The following WFDC9 variants were observed in gnomAD, a reference collection of about 807,000 sequenced individuals.
WFDC9 encodes WAP four-disulfide core domain 9, also known as protein WFDC9.
Under a neutral mutation model 9.5 loss-of-function variants are expected in WFDC9, and 9 were observed. That is an observed-to-expected ratio of 0.95 (90% CI 0.57 to 1.65). WFDC9 has a LOEUF of 1.65. Among genes scored for constraint, WFDC9 ranks in the 40% most tolerant of loss-of-function variants. The pLI, the probability that WFDC9 is intolerant of heterozygous loss-of-function variation, is 0.00. For missense variants in WFDC9, 87 were observed against 106.7 expected, an observed-to-expected ratio of 0.82 and a Z score of 0.81; for synonymous variants, 33 against 32.3, an observed-to-expected ratio of 1.02 and a Z score of -0.07.
At chr20:45,621,236 A>G (rs1027186949) in intron 1 of WFDC9, among the ~76,000 whole-genome samples, 1 of 152,228 alleles carries the variant, frequency 6.6e-6, no homozygotes, top group African/African-American at 2.4e-5. Context: ...CAGCTCTTTC[A>G]GTATGCTAAC....
chr20:45,619,621 A>C (rs778804582), intron 1 of WFDC9, among the ~76,000 whole-genome samples: 1 of 152,240 alleles, frequency 6.6e-6, no homozygotes, highest in Non-Finnish European at 1.5e-5. Context: ...GGTAAATATA[A>C]AATCTGATAT....
intron 2 of WFDC9, among the ~76,000 whole-genome samples, chr20:45,613,880 G>A (rs1981915193): frequency 6.6e-6 from 1 of 152,322 alleles, no homozygotes; most frequent in African/African-American, 2.4e-5. Flanking sequence ...TACAGCCAGG[G>A]ATGTGAGGGA....
At chr20:45,611,316 A>G (rs927192690) in intron 2 of WFDC9, among the ~76,000 whole-genome samples, 1 of 152,128 alleles carries the variant, frequency 6.6e-6, no homozygotes, top group South Asian at 2.1e-4. Context: ...GAGATTCACC[A>G]CATCCTGTTC....
intron 1 of WFDC9, among the ~76,000 whole-genome samples, chr20:45,619,592 A>G (rs531537037): frequency 3.3e-5 from 5 of 152,244 alleles, no homozygotes; most frequent in Non-Finnish European, 5.9e-5. Flanking sequence ...CAAAGAGAAC[A>G]GATAAAAGTA....
intron 1 of WFDC9, among the ~76,000 whole-genome samples, chr20:45,623,550 T>C (rs1219236526): frequency 2.0e-5 from 3 of 151,100 alleles, no homozygotes; most frequent in Non-Finnish European, 4.4e-5. Flanking sequence ...TCACTTTAAC[T>C]CAGGGGGCGG....
chr20:45,615,571 G>A (rs1294876333), intron 1 of WFDC9, among the ~76,000 whole-genome samples: 3 of 152,014 alleles, frequency 2.0e-5, no homozygotes, highest in African/African-American at 7.2e-5. Context: ...CACTTTTTTG[G>A]TTTCCCAGTG....
intron 1 of WFDC9, among the ~76,000 whole-genome samples, chr20:45,628,821 A>T (rs1982283030): frequency 6.6e-6 from 1 of 152,238 alleles, no homozygotes; most frequent in Non-Finnish European, 1.5e-5. Flanking sequence ...GATTATCATC[A>T]TCAGAGGAAG....
chr20:45,611,970 C>T (rs75612263), intron 2 of WFDC9, among the ~76,000 whole-genome samples: 2,184 of 152,248 alleles, frequency 0.014, 22 homozygotes, highest in Middle Eastern at 0.024. Flanking sequence ...CCCAACCCCA[C>T]CAACTCCTAG....
At chr20:45,625,045 C>T (rs1982186651) in intron 1 of WFDC9, among the ~76,000 whole-genome samples, 1 of 152,078 alleles carries the variant, frequency 6.6e-6, no homozygotes, top group Admixed American at 6.5e-5. Context: ...GAAGATACTA[C>T]CTGAGACTGG....
rs1362989119 is a variant in WFDC9 at position 45,608,754 on chromosome 20, A to C, written c.148T>G (p.Cys50Gly). 1 of 1,614,118 alleles carries C rather than the reference A, an allele frequency of 6.2e-7. No homozygotes were observed. ...QCWVQPPYKY[C>G]EKRCTKIMTC... ...ATTATTTTAGTACACCTTTTCTCACAGTACTTATATGGAGGCTGTACCCAG... is the reference window on the plus strand; with the variant it reads ...ATTATTTTAGTACACCTTTTCTCACCGTACTTATATGGAGGCTGTACCCAG... Residue 50 changes from cysteine to glycine, a missense_variant, in exon 4 of 5, where the codon TGT (cysteine) becomes GGT (glycine). Cys to Gly is a radical substitution (Grantham distance 159). Coordinates refer to ENST00000326000, the MANE Select transcript of WFDC9 (RefSeq NM_147198.4).
chr20:45,623,608 CAA>C (rs1467936193), intron 1 of WFDC9, among the ~76,000 whole-genome samples: 1 of 147,992 alleles, frequency 6.8e-6, no homozygotes, highest in Non-Finnish European at 1.5e-5. Context: ...GCCTGGGCAA[CAA>C]GAGAGAAACT....
rs1184633279 is a variant in WFDC9 at position 45,628,452 on chromosome 20, T to C, written c.-153+2751A>G. Among the ~76,000 whole-genome samples the C allele has an allele frequency of 2.6e-5, 4 of 152,304 alleles. No homozygotes were observed. The East Asian group carries it at 7.7e-4, about 29-fold the overall frequency. On this transcript the variant is annotated intron_variant, in intron 1 of 4. Transcript: ENST00000326000. ...CATTGTGGCACTGGCTGCAAGATGC[T>C]TGGGTAAGGAAAATGCAGCTTCTAT...
intron 1 of WFDC9, among the ~76,000 whole-genome samples, chr20:45,619,854 GTC>G (rs1441355728): frequency 3.9e-5 from 6 of 152,012 alleles, no homozygotes; most frequent in Non-Finnish European, 7.4e-5. Context: ...GTGAAACCTC[GTC>G]TCTACCAAAA....
chr20:45,609,165 CTG>C (rs1485367609), intron 3 of WFDC9, among the ~76,000 whole-genome samples: 1 of 152,048 alleles, frequency 6.6e-6, no homozygotes. Flanking sequence ...GAGTGGGAAA[CTG>C]AGCCAAGGGA....
intron 2 of WFDC9, among the ~76,000 whole-genome samples, chr20:45,610,759 T>C (rs1981843032): frequency 6.6e-6 from 1 of 152,104 alleles, no homozygotes; most frequent in African/African-American, 2.4e-5. Context: ...CCAAGAACTG[T>C]TAGGGGACTC....
intron 1 of WFDC9, 95 bp downstream of exon 1, chr20:45,631,108 C>A: frequency 7.0e-7 from 1 of 1,422,128 alleles, no homozygotes; most frequent in Non-Finnish European, 9.3e-7. Context: ...CCTCAAGTCA[C>A]CAGCATAAGA....
chr20:45,616,536 G>A (rs1340332488), intron 1 of WFDC9, among the ~76,000 whole-genome samples: 1 of 152,132 alleles, frequency 6.6e-6, no homozygotes, highest in Non-Finnish European at 1.5e-5. Context: ...ATGGTATGTA[G>A]AATAGTGAAT....
chr20:45,616,243 A>G (rs529982519), intron 1 of WFDC9, among the ~76,000 whole-genome samples: 2 of 152,302 alleles, frequency 1.3e-5, no homozygotes, highest in East Asian at 1.9e-4. Context: ...CATTCCAACA[A>G]TGTTCACAGC....
At chr20:45,621,648 A>G (rs781420573) in intron 1 of WFDC9, among the ~76,000 whole-genome samples, 49 of 152,344 alleles carry the variant, frequency 3.2e-4, no homozygotes, top group Non-Finnish European at 6.0e-4. Context: ...AAGCTGCTAT[A>G]TGACCAGCCC....
Sources: allele counts gnomAD v4.1 joint callset (sites outside exome capture counted in the v4.1 genomes callset), GRCh38; gene constraint gnomAD v4.1.1; transcripts MANE v1.5; gene names NCBI Gene and HGNC (gene_info 2026-07-23, HGNC 2026-07-21).